LHX4: variants seen among roughly 807,000 people sequenced by gnomAD.
The protein encoded by LHX4 is LIM/homeobox protein Lhx4.
Under a neutral mutation model 39.2 loss-of-function variants are expected in LHX4, and 16 were observed. The observed-to-expected ratio is 0.41, with a 90% CI of 0.28 to 0.62. The LOEUF is 0.62. Ranked by LOEUF, LHX4 falls within the 20% of genes least tolerant of loss-of-function variation. The probability of loss-of-function intolerance (pLI) is 0.33; values close to 1 mark genes in which losing one functional copy is unlikely to be tolerated. For missense variants in LHX4, 439 were observed against 511.9 expected, an observed-to-expected ratio of 0.86 and a Z score of 1.37; for synonymous variants, 206 against 198.1, an observed-to-expected ratio of 1.04 and a Z score of -0.33.
At chr1:180,267,809 G>T (rs546284967) in intron 3 of LHX4, among the ~76,000 whole-genome samples, 200 of 152,310 alleles carry the variant, frequency 1.3e-3, no homozygotes, top group African/African-American at 4.6e-3. Flanking sequence ...GGAGAAACTG[G>T]TTTTTTGTTC....
intron 1 of LHX4, among the ~76,000 whole-genome samples, chr1:180,244,605 A>G (rs908635950): frequency 6.6e-6 from 1 of 152,234 alleles, no homozygotes; most frequent in Non-Finnish European, 1.5e-5. Flanking sequence ...ATGGGCATAT[A>G]TCCTCACCCT....
chr1:180,262,148 A>G (rs1035567082), intron 2 of LHX4, among the ~76,000 whole-genome samples: 3 of 152,138 alleles, frequency 2.0e-5, no homozygotes, highest in African/African-American at 7.2e-5. Context: ...GTCTGCCTCA[A>G]CCATGAGATA....
In LHX4 at chr1:180,234,743, G is replaced by A. The variant is rs1664271685; in HGVS notation, c.76+4138G>A. On this transcript the variant is annotated intron_variant, in intron 1 of 5. Transcript: ENST00000263726. This position sits in a 1 kb window ranked among gnomAD's most constrained non-coding sequence, Gnocchi z 4.8. ...GTCGTAAAGTCGGGACTGAGAAGAA[G>A]CAGGACCTAACTCAAGTTTATTTCC... Among the ~76,000 whole-genome samples the A allele has an allele frequency of 6.6e-6, 1 of 152,268 alleles. No homozygotes were observed. Among genetic ancestry groups the A allele is most frequent in the African/African-American group, 2.4e-5 (1 of 41,484 alleles).
intron 1 of LHX4, among the ~76,000 whole-genome samples, chr1:180,231,695 G>A (rs1316603837): frequency 6.6e-6 from 1 of 152,014 alleles, no homozygotes; most frequent in Non-Finnish European, 1.5e-5. Context: ...ACTTCCGCCT[G>A]CGACTTCTTT....
chr1:180,257,940 C>G (rs771898118), intron 2 of LHX4, among the ~76,000 whole-genome samples: 1 of 152,230 alleles, frequency 6.6e-6, no homozygotes, highest in Admixed American at 6.5e-5. Flanking sequence ...TACTAACCCT[C>G]TCTGAACTTC....
At position 180,230,326 on chromosome 1, in the gene LHX4, GGACTGGAAACA is replaced by G; in HGVS notation, c.-197_-187del. 1 of 626,080 alleles carries G rather than the reference GGACTGGAAACA, an allele frequency of 1.6e-6. No homozygotes were observed. The highest frequency in any genetic ancestry group is 1.8e-5 in the South Asian group (1 of 55,264). 38.8% of individuals were successfully genotyped at this position (626,080 alleles called of 1,614,324 possible). On this transcript the variant is annotated 5_prime_UTR_variant, in exon 1 of 6. It introduces an in-frame stop codon into an upstream open reading frame of the 5' UTR. Coordinates refer to ENST00000263726, the MANE Select transcript of LHX4 (RefSeq NM_033343.4). The surrounding 1 kb of genome is among the most constrained non-coding windows in gnomAD (Gnocchi z 5.8). ...CCAACCCCGGAGAGCGAGATCAAAG[GGACTGGAAACA>G]GACTGGGGACTGGCGGGGGGAGGGG...
intron 2 of LHX4, among the ~76,000 whole-genome samples, chr1:180,255,156 C>G (rs1036456247): frequency 6.6e-6 from 1 of 152,268 alleles, no homozygotes; most frequent in African/African-American, 2.4e-5. Flanking sequence ...CAGCCCGCGC[C>G]TGGGTGGCTT....
intron 2 of LHX4, among the ~76,000 whole-genome samples, chr1:180,252,310 G>A (rs1055510261): frequency 2.6e-5 from 4 of 152,126 alleles, no homozygotes; most frequent in African/African-American, 4.8e-5. Context: ...GCTCACCCTC[G>A]GCTATAGAAG....
At chr1:180,242,013 C>T (rs1036096477) in intron 1 of LHX4, among the ~76,000 whole-genome samples, 4 of 151,796 alleles carry the variant, frequency 2.6e-5, no homozygotes, top group African/African-American at 9.7e-5. Flanking sequence ...GACAGGGTCT[C>T]ACTATGTTGC....
chr1:180,278,340 CTCT>C lies in LHX4; in HGVS notation c.*3766_*3768del, dbSNP rs1290976677. 8.5e-5 allele frequency: 2 copies of C among 23,566 alleles called. No homozygotes were observed. Among genetic ancestry groups the C allele is most frequent in the Non-Finnish European group, 2.4e-4 (2 of 8,172 alleles). 1.5% of individuals were successfully genotyped at this position (23,566 alleles called of 1,614,324 possible). Reference sequence around the variant, plus strand: ...CTAAATGAAAAGCACATCACTGGCTCTCTTCTTTCTTGGATTGGTCAATTGGCC... The same window carrying C: ...CTAAATGAAAAGCACATCACTGGCTCTCTTTCTTGGATTGGTCAATTGGCC... On this transcript the variant is annotated 3_prime_UTR_variant, in exon 6 of 6. Coordinates refer to ENST00000263726, the MANE Select transcript of LHX4 (RefSeq NM_033343.4).
upstream of LHX4, among the ~76,000 whole-genome samples, chr1:180,229,028 C>G (rs1664090426): frequency 2.0e-5 from 3 of 152,220 alleles, no homozygotes; most frequent in Admixed American, 2.0e-4. Flanking sequence ...CGTCGAGCGC[C>G]TGATGGAGCG....
chr1:180,270,707 A>T (rs1648594097), intron 3 of LHX4: 1 of 156,578 alleles, frequency 6.4e-6, no homozygotes, highest in Non-Finnish European at 1.4e-5. Flanking sequence ...CTCAGTACAC[A>T]TATTTATACA....
intron 1 of LHX4, among the ~76,000 whole-genome samples, chr1:180,233,868 G>A (rs993550820): frequency 4.8e-4 from 73 of 151,936 alleles, no homozygotes; most frequent in African/African-American, 1.7e-3. Context: ...GGCGAACCCC[G>A]AAGCTGTAGG....
rs578252880 is a variant in LHX4 at position 180,277,008 on chromosome 1, G to A, written c.*2429G>A. The A allele has an allele frequency of 6.6e-6, 1 of 152,276 alleles. No homozygotes were observed. The highest frequency in any genetic ancestry group is 2.4e-5 in the African/African-American group (1 of 41,534). 9.4% of individuals were successfully genotyped at this position (152,276 alleles called of 1,614,324 possible). ...GAGGAACTCAGTGAGCAGTTGACGA[G>A]GTCAATAGTTCTTTGGCATCAGTAG... On this transcript the variant is annotated 3_prime_UTR_variant, in exon 6 of 6. Coordinates refer to ENST00000263726, the MANE Select transcript of LHX4 (RefSeq NM_033343.4).
intron 2 of LHX4, among the ~76,000 whole-genome samples, chr1:180,251,613 A>T (rs1442098066): frequency 6.6e-6 from 1 of 152,214 alleles, no homozygotes; most frequent in Non-Finnish European, 1.5e-5. Context: ...TTGATGCTGC[A>T]ACAAGTAAAT....
chr1:180,258,988 G>A (rs987795687), intron 2 of LHX4, among the ~76,000 whole-genome samples: 3 of 152,048 alleles, frequency 2.0e-5, no homozygotes, highest in Non-Finnish European at 4.4e-5. Flanking sequence ...GGGTGCGGGG[G>A]GTGTTGGTAG....
rs777542565 is a variant in LHX4, at chr1:180,274,219, T to C, written c.813T>C (p.Asn271=). 1.9e-6 allele frequency: 3 copies of C among 1,614,142 alleles called. No individual in the cohort carries two copies. Among genetic ancestry groups the C allele is most frequent in the East Asian group, 2.2e-5 (1 of 44,882 alleles). ...TTCTCTCAGAACTTGGCCACACCAA[T>C]AGGATTTATGGCAACGTGGGGGACG... is the stretch of plus-strand genomic sequence containing the variant. ...DQILSELGHT[N]RIYGNVGDVT... Residue 271 remains asparagine, a synonymous_variant, in exon 6 of 6, where the codon AAT becomes AAC. Coordinates refer to ENST00000263726, the MANE Select transcript of LHX4 (RefSeq NM_033343.4).
intron 1 of LHX4, among the ~76,000 whole-genome samples, chr1:180,236,128 C>T (rs563063668): frequency 9.0e-5 from 13 of 144,716 alleles, no homozygotes; most frequent in Admixed American, 5.9e-4. Context: ...CGCGAGCCCT[C>T]AAGACGTCTC....
chr1:180,265,232 C>G (rs531978641), intron 2 of LHX4, among the ~76,000 whole-genome samples: 1 of 152,192 alleles, frequency 6.6e-6, no homozygotes, highest in African/African-American at 2.4e-5. Context: ...ATCCATTAGG[C>G]GAAGTCTTTC....
Sources: gnomAD v4.1 joint callset for allele counts (sites outside exome capture counted in the v4.1 genomes callset) on GRCh38, gnomAD v4.1.1 for gene constraint, Gnocchi (gnomAD v3.1) non-coding constraint, MANE v1.5 for transcripts, NCBI Gene and HGNC (gene_info 2026-07-23, HGNC 2026-07-21) for gene names.